The following SCHIP1 variants were observed in gnomAD, a reference collection of about 807,000 sequenced individuals.
SCHIP1 encodes schwannomin interacting protein 1, also known as schwannomin-interacting protein 1.
Under a neutral mutation model 29.7 loss-of-function variants are expected in SCHIP1, and 8 were observed. The ratio of observed to expected loss-of-function variants is 0.27; its 90% CI spans 0.16 to 0.49. The LOEUF (loss-of-function observed/expected upper bound fraction) is 0.49. Ranked by LOEUF, SCHIP1 falls within the 20% of genes least tolerant of loss-of-function variation. SCHIP1 has a pLI of 0.99. For missense variants in SCHIP1, 193 were observed against 294.6 expected, an observed-to-expected ratio of 0.66 and a Z score of 2.52; for synonymous variants, 76 against 94.9, an observed-to-expected ratio of 0.80 and a Z score of 1.16.
At chr3:159,643,539 A>G in the SCHIP1 span, among the ~76,000 whole-genome samples, 5 of 152,118 alleles carry the variant, frequency 3.3e-5, no homozygotes, top group Non-Finnish European at 7.4e-5. Context: ...ATTTGTAACC[A>G]GAGGGTAGCT....
chr3:159,779,631 C>T, the SCHIP1 span, among the ~76,000 whole-genome samples: 1 of 151,780 alleles, frequency 6.6e-6, no homozygotes. Context: ...CAAGATCGCA[C>T]CATGGCACTG....
intron 1 of SCHIP1, among the ~76,000 whole-genome samples, chr3:159,843,806 G>A (rs1254148463): frequency 3.4e-5 from 4 of 118,002 alleles, no homozygotes; most frequent in African/African-American, 1.1e-4. Context: ...CTGGGCGACA[G>A]AGCAAGACTC....
the SCHIP1 span, among the ~76,000 whole-genome samples, chr3:159,481,325 A>T: frequency 7.2e-5 from 11 of 152,082 alleles, no homozygotes; most frequent in Admixed American, 7.2e-4. Flanking sequence ...ATTTTCTTTT[A>T]AAAAAAAGTT....
chr3:159,705,086 C>T, the SCHIP1 span, among the ~76,000 whole-genome samples: 1 of 150,566 alleles, frequency 6.6e-6, no homozygotes, highest in East Asian at 2.0e-4. Flanking sequence ...GCCTCAGCCT[C>T]CTGAGTAGCT....
At chr3:159,287,585 T>C in the SCHIP1 span, among the ~76,000 whole-genome samples, 1 of 152,196 alleles carries the variant, frequency 6.6e-6, no homozygotes, top group African/African-American at 2.4e-5. Context: ...AAGATAATTA[T>C]AATAGCTAAA....
chr3:159,684,217 A>G, the SCHIP1 span, among the ~76,000 whole-genome samples: 1 of 152,124 alleles, frequency 6.6e-6, no homozygotes, highest in Non-Finnish European at 1.5e-5. Context: ...CCACCCCTAC[A>G]TTCCAGAACT....
the SCHIP1 span, chr3:159,275,232 G>GT: frequency 3.0e-6 from 1 of 337,620 alleles, no homozygotes; most frequent in South Asian, 1.2e-4. Context: ...TATGATTTCA[G>GT]TTTTTTTAAG....
chr3:159,543,377 C>T, the SCHIP1 span, among the ~76,000 whole-genome samples: 1 of 116,784 alleles, frequency 8.6e-6, no homozygotes, highest in Admixed American at 8.7e-5. Context: ...TCCCCCCACC[C>T]CACAACATCA....
At chr3:159,614,215 T>C in the SCHIP1 span, among the ~76,000 whole-genome samples, 1 of 152,188 alleles carries the variant, frequency 6.6e-6, no homozygotes, top group Non-Finnish European at 1.5e-5. Flanking sequence ...AATGATTGCA[T>C]ACAGAAATTT....
chr3:159,606,053 AC>A, the SCHIP1 span, among the ~76,000 whole-genome samples: 4 of 152,180 alleles, frequency 2.6e-5, no homozygotes, highest in African/African-American at 9.7e-5. Flanking sequence ...GAGTGTTCTT[AC>A]ATGAATCTCC....
the SCHIP1 span, among the ~76,000 whole-genome samples, chr3:159,658,683 C>A: frequency 6.6e-6 from 1 of 152,174 alleles, no homozygotes; most frequent in Non-Finnish European, 1.5e-5. Context: ...CACATCCTGA[C>A]CACTTTTAAA....
the SCHIP1 span, among the ~76,000 whole-genome samples, chr3:159,419,724 G>T: frequency 6.6e-6 from 1 of 152,148 alleles, no homozygotes; most frequent in Non-Finnish European, 1.5e-5. Context: ...CAGAAGAATT[G>T]CTTGAACCCA....
the SCHIP1 span, among the ~76,000 whole-genome samples, chr3:159,514,917 C>G: frequency 2.6e-5 from 4 of 152,146 alleles, no homozygotes; most frequent in African/African-American, 9.7e-5. Context: ...GTAATGACAG[C>G]CTTAACCTTT....
At chr3:159,804,952 T>C in the SCHIP1 span, among the ~76,000 whole-genome samples, 6 of 152,294 alleles carry the variant, frequency 3.9e-5, no homozygotes, top group Non-Finnish European at 7.4e-5. Context: ...GAAAAAGAAA[T>C]GGTCACTTCC....
the SCHIP1 span, among the ~76,000 whole-genome samples, chr3:159,693,344 CAT>C: frequency 1.3e-3 from 193 of 150,722 alleles, no homozygotes; most frequent in African/African-American, 4.5e-3. Flanking sequence ...TATACGCACA[CAT>C]ATATATATAT....
chr3:159,620,805 TGG>T, the SCHIP1 span, among the ~76,000 whole-genome samples: 1 of 152,202 alleles, frequency 6.6e-6, no homozygotes, highest in African/African-American at 2.4e-5. Context: ...AACAGAACCA[TGG>T]AGGATCATGA....
At chr3:159,764,874 C>G in the SCHIP1 span, 3 of 1,579,882 alleles carry the variant, frequency 1.9e-6, no homozygotes, top group South Asian at 3.5e-5. This position sits in a 1 kb window ranked among gnomAD's most constrained non-coding sequence, Gnocchi z 6.1. Flanking sequence ...ACAATGGCAA[C>G]GTGGTGGTGG....
At chr3:159,471,139 C>A in the SCHIP1 span, among the ~76,000 whole-genome samples, 1 of 151,982 alleles carries the variant, frequency 6.6e-6, no homozygotes, top group Non-Finnish European at 1.5e-5. Flanking sequence ...CACACACACA[C>A]CCCTAAAAAT....
chr3:159,652,936 C>T, the SCHIP1 span, among the ~76,000 whole-genome samples: 1 of 152,152 alleles, frequency 6.6e-6, no homozygotes, highest in Non-Finnish European at 1.5e-5. Context: ...TGTGTGTTCT[C>T]AGTCATCTCT....
Sources: allele counts gnomAD v4.1 joint callset (sites outside exome capture counted in the v4.1 genomes callset), GRCh38; gene constraint gnomAD v4.1.1; non-coding constraint Gnocchi (gnomAD v3.1); transcripts MANE v1.5; gene names NCBI Gene and HGNC (gene_info 2026-07-23, HGNC 2026-07-21).